RTN1: variants seen among roughly 807,000 people sequenced by gnomAD.
The protein encoded by RTN1 is reticulon 1.
In RTN1, 25 loss-of-function variants were observed where a neutral mutation model predicts 65.5. That is an observed-to-expected ratio of 0.38 (90% CI 0.28 to 0.53). RTN1 has a LOEUF of 0.53. RTN1 is among the 20% of genes least tolerant of loss of function. The pLI is 0.79. For missense variants in RTN1, 983 were observed against 1,025.4 expected, an observed-to-expected ratio of 0.96 and a Z score of 0.57; for synonymous variants, 471 against 447.6, an observed-to-expected ratio of 1.05 and a Z score of -0.66.
At chr14:59,701,547 A>C (rs1884178328) in intron 3 of RTN1, among the ~76,000 whole-genome samples, 2 of 152,218 alleles carry the variant, frequency 1.3e-5, no homozygotes. Flanking sequence ...AAAATATTAT[A>C]TTATGCTAAG....
chr14:59,780,309 C>T (rs918227367), intron 1 of RTN1, among the ~76,000 whole-genome samples: 1 of 152,128 alleles, frequency 6.6e-6, no homozygotes, highest in African/African-American at 2.4e-5. Context: ...TGAAACCTAA[C>T]CTTCCTAGTG....
intron 1 of RTN1, among the ~76,000 whole-genome samples, chr14:59,863,393 C>T (rs1304254603): frequency 1.3e-5 from 2 of 152,158 alleles, no homozygotes; most frequent in Non-Finnish European, 2.9e-5. Context: ...ATGACTTCCT[C>T]ATTGTCAAAT....
intron 3 of RTN1, among the ~76,000 whole-genome samples, chr14:59,637,937 C>T (rs1303226656): frequency 4.6e-5 from 7 of 151,878 alleles, no homozygotes; most frequent in Non-Finnish European, 8.8e-5. Context: ...CTGCAACTTC[C>T]GCCTCCTGGG....
chr14:59,658,715 ACTC>A (rs1428271112), intron 3 of RTN1, among the ~76,000 whole-genome samples: 5 of 151,930 alleles, frequency 3.3e-5, no homozygotes, highest in African/African-American at 9.7e-5. Context: ...CCACACAAAA[ACTC>A]CATCCGATGG....
At chr14:59,682,153 C>T (rs1265137961) in intron 3 of RTN1, among the ~76,000 whole-genome samples, 2 of 152,138 alleles carry the variant, frequency 1.3e-5, no homozygotes, top group Admixed American at 6.6e-5. Context: ...TGGAATTATC[C>T]TAATTCCCTG....
rs1211476824 is a variant in RTN1, at chr14:59,816,950, AAAT to A, written c.241+53437_241+53439del. Among the ~76,000 whole-genome samples, 1 of 152,198 alleles carries A rather than the reference AAAT, an allele frequency of 6.6e-6. No homozygotes were observed. On this transcript the variant is annotated intron_variant, in intron 1 of 8. Transcript: ENST00000267484. The surrounding 1 kb of genome is among the most constrained non-coding windows in gnomAD (Gnocchi z 4.3). ...CGTGACTCAAAATCAATTAATTAAT[AAAT>A]AAAATACACAGTACCAATAAGGGTT...
rs763321363 is a variant in RTN1, at chr14:59,727,610, G to A, written c.1074C>T (p.Thr358=). The A allele has an allele frequency of 1.3e-5, 21 of 1,612,556 alleles. No individual in the cohort carries two copies. Among genetic ancestry groups the A allele is most frequent in the South Asian group, 1.1e-5 (1 of 90,922 alleles). ...KGSISEDELI[T]AIKEAKGLSY... is the part of the protein sequence containing the mutation. ...ATAATCCCTTTGCTTCTTTGATGGC[G>A]GTGATCAGCTCATCCTCGGAGATGC... The change falls in exon 3 of 9, where the codon ACC becomes ACT. Residue 358 remains threonine, a synonymous_variant. Coordinates refer to ENST00000267484, the MANE Select transcript of RTN1 (RefSeq NM_021136.3). This position sits in a 1 kb window ranked among gnomAD's most constrained non-coding sequence, Gnocchi z 4.2.
chr14:59,712,856 A>G (rs1466944122), intron 3 of RTN1, among the ~76,000 whole-genome samples: 6 of 150,770 alleles, frequency 4.0e-5, no homozygotes, highest in African/African-American at 1.5e-4. Flanking sequence ...GGTTACAGTG[A>G]GCTGAAATCA....
chr14:59,765,937 GA>G (rs537501918), intron 1 of RTN1, among the ~76,000 whole-genome samples: 272 of 152,186 alleles, frequency 1.8e-3, no homozygotes, highest in Non-Finnish European at 3.1e-3. Flanking sequence ...TGCTTTAAAA[GA>G]AAAAAACTTG....
At chr14:59,791,837 T>A (rs1485368221) in intron 1 of RTN1, among the ~76,000 whole-genome samples, 2 of 152,184 alleles carry the variant, frequency 1.3e-5, no homozygotes, top group African/African-American at 4.8e-5. Context: ...GTCAGTTTTA[T>A]AAAGGTTAGC....
intron 1 of RTN1, among the ~76,000 whole-genome samples, chr14:59,839,056 T>A (rs1393087952): frequency 8.5e-5 from 13 of 152,264 alleles, no homozygotes; most frequent in Non-Finnish European, 1.9e-4. Flanking sequence ...CAAAAACTAT[T>A]TTACTAGCAA....
intron 8 of RTN1, among the ~76,000 whole-genome samples, chr14:59,601,811 C>G (rs529929017): frequency 1.4e-4 from 22 of 152,268 alleles, no homozygotes; most frequent in African/African-American, 4.8e-4. Flanking sequence ...TGTGTGGAGT[C>G]TTAGCATTTG....
rs185209931 is a variant in RTN1, at chr14:59,609,679, G to C, written c.1766-2187C>G. On this transcript the variant is annotated intron_variant, in intron 3 of 8. Transcript: ENST00000267484. ...GGCAGCAGGGCTAAAGGTCTTTGACGGTCCGGGGCCTCCAGGTATTTACTC... is the reference window on the plus strand; with the variant it reads ...GGCAGCAGGGCTAAAGGTCTTTGACCGTCCGGGGCCTCCAGGTATTTACTC... Among the ~76,000 whole-genome samples the C allele has an allele frequency of 2.0e-4, 31 of 152,280 alleles. No homozygotes were observed. The East Asian group carries it at 5.6e-3, about 28-fold the overall frequency.
intron 3 of RTN1, among the ~76,000 whole-genome samples, chr14:59,682,087 C>T (rs1017621943): frequency 2.6e-5 from 4 of 152,110 alleles, no homozygotes; most frequent in Non-Finnish European, 5.9e-5. Context: ...TGGCTCCTTC[C>T]CATCTCCCCA....
At chr14:59,666,410 G>A (rs1170607272) in intron 3 of RTN1, among the ~76,000 whole-genome samples, 2 of 152,148 alleles carry the variant, frequency 1.3e-5, no homozygotes, top group East Asian at 3.9e-4. Flanking sequence ...AAGACACAAT[G>A]TACCAGAATC....
At chr14:59,599,043 T>C (rs1303282222) in intron 8 of RTN1, among the ~76,000 whole-genome samples, 3 of 152,212 alleles carry the variant, frequency 2.0e-5, no homozygotes, top group African/African-American at 4.8e-5. Flanking sequence ...CCTATGTTGA[T>C]TTAGACTTTG....
chr14:59,685,804 T>C (rs573318531), intron 3 of RTN1, among the ~76,000 whole-genome samples: 1 of 152,012 alleles, frequency 6.6e-6, no homozygotes, highest in East Asian at 1.9e-4. Context: ...TTCAAAGAAA[T>C]AGAAAAAACA....
chr14:59,661,259 C>CAA (rs768483248), intron 3 of RTN1, among the ~76,000 whole-genome samples: 26,674 of 83,174 alleles, frequency 0.32, 6,008 homozygotes, highest in Admixed American at 0.39. Context: ...GCCTACCAAC[C>CAA]AAAAAAAAAA....
intron 3 of RTN1, among the ~76,000 whole-genome samples, chr14:59,647,908 A>G (rs1882934424): frequency 6.6e-6 from 1 of 152,216 alleles, no homozygotes; most frequent in Non-Finnish European, 1.5e-5. Flanking sequence ...AACCAACTCC[A>G]GAGCTAGCAG....
Sources: gnomAD v4.1 joint callset for allele counts (sites outside exome capture counted in the v4.1 genomes callset) on GRCh38, gnomAD v4.1.1 for gene constraint, Gnocchi (gnomAD v3.1) non-coding constraint, MANE v1.5 for transcripts, NCBI Gene and HGNC (gene_info 2026-07-23, HGNC 2026-07-21) for gene names.